The following PVT1 variants were observed in gnomAD, a reference collection of about 807,000 sequenced individuals.
PVT1 encodes the protein Pvt1 oncogene.
At chr8:127,885,580 G>C (rs1156912152) in intron 2 of PVT1, among the ~76,000 whole-genome samples, 3 of 152,106 alleles carry the variant, frequency 2.0e-5, no homozygotes, top group Non-Finnish European at 4.4e-5. Flanking sequence ...CCAGCCTCAT[G>C]ACCGAATCAC....
At chr8:127,888,420 C>T (rs1391979529) in intron 2 of PVT1, among the ~76,000 whole-genome samples, 2 of 152,168 alleles carry the variant, frequency 1.3e-5, no homozygotes, top group African/African-American at 4.8e-5. Flanking sequence ...GATGGGTGCC[C>T]TCTGTTATTC....
At chr8:127,859,021 T>C (rs998090070) in intron 2 of PVT1, among the ~76,000 whole-genome samples, 6 of 152,026 alleles carry the variant, frequency 3.9e-5, no homozygotes, top group African/African-American at 1.5e-4. Context: ...TTGCCCAGGC[T>C]GGTCTTCAAC....
intron 3 of PVT1, among the ~76,000 whole-genome samples, chr8:127,906,223 G>C (rs1351231084): frequency 7.2e-5 from 11 of 152,134 alleles, no homozygotes. Flanking sequence ...TTTTGTCCCT[G>C]TCAATTCCTT....
intron 3 of PVT1, among the ~76,000 whole-genome samples, chr8:127,941,931 C>G (rs965802162): frequency 6.6e-6 from 1 of 152,172 alleles, no homozygotes; most frequent in African/African-American, 2.4e-5. Flanking sequence ...GAGACCATCC[C>G]CTTTGGCTTC....
chr8:127,984,367 A>C (rs1563657174), intron 3 of PVT1, among the ~76,000 whole-genome samples: 1 of 152,202 alleles, frequency 6.6e-6, no homozygotes, highest in Non-Finnish European at 1.5e-5. Flanking sequence ...ATCGGGAAGT[A>C]GAGTGGTTTG....
rs147153514 is a variant in PVT1, at chr8:127,901,308, G to A, written n.782+10310G>A. The stretch of plus-strand genomic sequence containing the variant: ...CCCTCACTCACTGAGGGTTATCCAA[G>A]TGACCCATTGCAGGAAGAGGGGTGG... On this transcript the variant is annotated intron_variant and non_coding_transcript_variant, in intron 3 of 10. Transcript: ENST00000651587. Among the ~76,000 whole-genome samples, 51 of 152,282 alleles carry A rather than the reference G, an allele frequency of 3.3e-4. No homozygotes were observed. In the East Asian group the frequency reaches 9.3e-3, roughly 28 times the overall value.
At chr8:127,879,672 C>T (rs1266660720) in intron 2 of PVT1, among the ~76,000 whole-genome samples, 3 of 152,224 alleles carry the variant, frequency 2.0e-5, no homozygotes, top group Non-Finnish European at 4.4e-5. Flanking sequence ...CCAGTGTTCT[C>T]GTTTCTTAGT....
intron 3 of PVT1, among the ~76,000 whole-genome samples, chr8:127,895,602 GTTTTTTTTAAATAAAA>G (rs1349000754): frequency 6.6e-6 from 1 of 151,974 alleles, no homozygotes; most frequent in Non-Finnish European, 1.5e-5. Flanking sequence ...GGGAATACTA[GTTTTTTTTAAATAAAA>G]TTTTAAAATG....
chr8:127,973,943 G>C (rs1816793213), intron 3 of PVT1, among the ~76,000 whole-genome samples: 1 of 150,962 alleles, frequency 6.6e-6, no homozygotes, highest in Non-Finnish European at 1.5e-5. Flanking sequence ...TCGCACCACT[G>C]CACTCCAGCC....
At chr8:127,961,694 C>T (rs1448226158) in intron 3 of PVT1, among the ~76,000 whole-genome samples, 2 of 152,226 alleles carry the variant, frequency 1.3e-5, no homozygotes, top group Non-Finnish European at 2.9e-5. Context: ...GTTCTCCAAA[C>T]CACGGAACAA....
intron 4 of PVT1, among the ~76,000 whole-genome samples, chr8:127,994,009 C>T (rs2130003765): frequency 6.6e-6 from 1 of 152,262 alleles, no homozygotes; most frequent in Non-Finnish European, 1.5e-5. Context: ...TTGAGATCCC[C>T]CCTGCTCATG....
At chr8:127,831,637 A>G (rs1427216520) in intron 2 of PVT1, among the ~76,000 whole-genome samples, 1 of 152,172 alleles carries the variant, frequency 6.6e-6, no homozygotes, top group Non-Finnish European at 1.5e-5. Context: ...GAGCTGGAAA[A>G]GGTGATTACA....
At chr8:127,987,470 C>G (rs765559338) in intron 3 of PVT1, among the ~76,000 whole-genome samples, 3 of 152,188 alleles carry the variant, frequency 2.0e-5, no homozygotes, top group Non-Finnish European at 4.4e-5. Context: ...AGAGGGGAGG[C>G]CTTTTCATTT....
chr8:127,988,646 A>T (rs532173827), intron 3 of PVT1, among the ~76,000 whole-genome samples: 2 of 152,356 alleles, frequency 1.3e-5, no homozygotes, highest in South Asian at 4.1e-4. Flanking sequence ...ACTAGATGAC[A>T]GTGTTGGGCT....
At chr8:128,012,067 G>C (rs1301733739) in intron 4 of PVT1, among the ~76,000 whole-genome samples, 2 of 152,180 alleles carry the variant, frequency 1.3e-5, no homozygotes, top group Non-Finnish European at 2.9e-5. Context: ...CTTATTTGTG[G>C]AGCACATTAA....
At position 127,991,943 on chromosome 8, in the gene PVT1, C is replaced by A. The variant is rs115491272; in HGVS notation, n.912+2652C>A. Among the ~76,000 whole-genome samples, 1,116 of 152,248 alleles carry A rather than the reference C, an allele frequency of 7.3e-3. 17 individuals carry two copies. Among genetic ancestry groups the A allele is most frequent in the African/African-American group, 0.026 (1,065 of 41,536 alleles). On this transcript the variant is annotated intron_variant and non_coding_transcript_variant, in intron 4 of 10. Transcript: ENST00000651587. ...TCCCACCCATGAGTCGGGACTGTTG[C>A]CTGCTGTGCAGCAAAGGCACCAGGA...
chr8:128,097,460 A>T (rs77977075), intron 6 of PVT1, among the ~76,000 whole-genome samples: 8,556 of 152,198 alleles, frequency 0.056, 648 homozygotes, highest in African/African-American at 0.18. Context: ...TTATGTCACT[A>T]AAGGGTTGAA....
chr8:127,872,379 C>T (rs1342038442), intron 2 of PVT1, among the ~76,000 whole-genome samples: 1 of 152,208 alleles, frequency 6.6e-6, no homozygotes, highest in African/African-American at 2.4e-5. Flanking sequence ...CGCCACTGCA[C>T]TCCAGCCTGG....
At chr8:128,089,137 CA>C (rs897834818) in intron 5 of PVT1, among the ~76,000 whole-genome samples, 2 of 152,188 alleles carry the variant, frequency 1.3e-5, no homozygotes, top group African/African-American at 4.8e-5. Flanking sequence ...ATCTCAAGCA[CA>C]GCCAAAACTG....
Sources: gnomAD v4.1 joint callset for allele counts (sites outside exome capture counted in the v4.1 genomes callset) on GRCh38, gnomAD v4.1.1 for gene constraint, MANE v1.5 for transcripts, NCBI Gene and HGNC (gene_info 2026-07-23, HGNC 2026-07-21) for gene names.